The following CSMD1 variants were observed in gnomAD, a reference collection of about 807,000 sequenced individuals.
CSMD1 encodes CUB and sushi domain-containing protein 1.
Under a neutral mutation model 417.5 loss-of-function variants are expected in CSMD1, and 213 were observed. The ratio of observed to expected loss-of-function variants is 0.51; its 90% CI spans 0.46 to 0.57. The LOEUF (loss-of-function observed/expected upper bound fraction) is 0.57, where lower values mean the gene tolerates loss of function less well. CSMD1 is among the 20% of genes least tolerant of loss of function. CSMD1 has a pLI of 0.00. For missense variants in CSMD1, 6,923 were observed against 4,529.7 expected (o/e 1.53, Z -15.17); for synonymous variants, 2,862 against 1,736.8 (o/e 1.65, Z -16.11).
At chr8:3,058,773 G>C (rs1812401524) in intron 49 of CSMD1, among the ~76,000 whole-genome samples, 1 of 151,946 alleles carries the variant, frequency 6.6e-6, no homozygotes, top group Non-Finnish European at 1.5e-5. Flanking sequence ...ATGCCCTAGG[G>C]AGGCTGCTAA....
intron 3 of CSMD1, among the ~76,000 whole-genome samples, chr8:4,375,102 G>T (rs1198845446): frequency 6.6e-6 from 1 of 152,042 alleles, no homozygotes; most frequent in African/African-American, 2.4e-5. Context: ...TTCATTGGCA[G>T]ACCTGAAGAA....
rs993871238 is a variant in CSMD1 at position 3,795,026 on chromosome 8, T to C, written c.819-40984A>G. Among the ~76,000 whole-genome samples the C allele has an allele frequency of 9.2e-5, 14 of 151,524 alleles. 2 individuals are homozygous for C. The highest frequency in any genetic ancestry group is 4.2e-4 in the South Asian group (2 of 4,812). On this transcript the variant is annotated intron_variant, in intron 5 of 69. Transcript: ENST00000635120. ...GCTATAAATACATATCTATCATATA[T>C]AGCTATAGATACATATCTATCATGT... is the stretch of plus-strand genomic sequence containing the variant.
At chr8:3,992,736 G>A (rs1465972147) in intron 5 of CSMD1, among the ~76,000 whole-genome samples, 2 of 152,204 alleles carry the variant, frequency 1.3e-5, no homozygotes, top group Non-Finnish European at 2.9e-5. Context: ...AGCTATGACA[G>A]CACCACTGTA....
Position 4,031,994 on chromosome 8 carries a change from C to T in CSMD1, c.521G>A (p.Gly174Asp), listed in dbSNP as rs1797372319. 3 of 1,613,938 alleles carry T rather than the reference C, an allele frequency of 1.9e-6. No homozygotes were observed. The highest frequency in any genetic ancestry group is 2.5e-6 in the Non-Finnish European group (3 of 1,179,878). Residue 174 changes from glycine to aspartate, a missense_variant, in exon 4 of 70, where the codon GGC becomes GAC. Physicochemically the swap from Gly to Asp is moderately conservative, Grantham distance 94. Coordinates refer to ENST00000635120, the MANE Select transcript of CSMD1 (RefSeq NM_033225.6). The stretch of plus-strand genomic sequence containing the variant: ...GATGGCGTGGCCTTCCAAGATGTAG[C>T]CAGGGAGGCAGCTGTACCGGATTTT... ...GDKIRYSCLPGYILEGHAILT... is the reference protein window; with the variant it reads ...GDKIRYSCLPDYILEGHAILT...
chr8:3,285,084 C>T (rs935092481), intron 25 of CSMD1, among the ~76,000 whole-genome samples: 2 of 152,070 alleles, frequency 1.3e-5, no homozygotes, highest in Non-Finnish European at 1.5e-5. Flanking sequence ...TTAGTTGAAA[C>T]ACCAACAAAA....
chr8:4,040,899 G>A (rs999672262), intron 3 of CSMD1, among the ~76,000 whole-genome samples: 1 of 152,020 alleles, frequency 6.6e-6, no homozygotes, highest in African/African-American at 2.4e-5. Flanking sequence ...TGGCTCTTGA[G>A]AAGCATCATG....
chr8:3,105,050 C>G (rs966642648), intron 46 of CSMD1, among the ~76,000 whole-genome samples: 9 of 152,216 alleles, frequency 5.9e-5, no homozygotes, highest in African/African-American at 2.2e-4. Flanking sequence ...GTGTGAGCAT[C>G]TGCAAAACCA....
chr8:3,843,051 T>C (rs1031045125), intron 5 of CSMD1, among the ~76,000 whole-genome samples: 3 of 152,192 alleles, frequency 2.0e-5, no homozygotes, highest in African/African-American at 7.2e-5. Context: ...TTGCACATGA[T>C]AAATGTTGTA....
At chr8:4,983,114 A>G (rs1810988565) in intron 1 of CSMD1, among the ~76,000 whole-genome samples, 1 of 152,256 alleles carries the variant, frequency 6.6e-6, no homozygotes, top group African/African-American at 2.4e-5. Flanking sequence ...AAAACAGTCA[A>G]GAAACAGAAA....
chr8:4,201,335 G>C (rs7838070), intron 3 of CSMD1, among the ~76,000 whole-genome samples: 13,542 of 151,936 alleles, frequency 0.089, 891 homozygotes, highest in African/African-American at 0.18. Flanking sequence ...TCAGGAGATC[G>C]AGACCATCTT....
chr8:4,760,835 C>G (rs1010280485), intron 1 of CSMD1, among the ~76,000 whole-genome samples: 1 of 152,176 alleles, frequency 6.6e-6, no homozygotes, highest in Non-Finnish European at 1.5e-5. Flanking sequence ...AAGGAATTCC[C>G]ATAGAATAAT....
intron 10 of CSMD1, among the ~76,000 whole-genome samples, chr8:3,525,232 G>C (rs555780431): frequency 1.3e-5 from 2 of 152,242 alleles, no homozygotes; most frequent in East Asian, 1.9e-4. Context: ...CCTTAGGGGA[G>C]ATAGCATCCC....
chr8:3,224,560 A>G (rs554124208), intron 27 of CSMD1, among the ~76,000 whole-genome samples: 5 of 152,340 alleles, frequency 3.3e-5, no homozygotes, highest in African/African-American at 7.2e-5. Context: ...AAGTATACAT[A>G]TCAGTGAGGA....
intron 6 of CSMD1, among the ~76,000 whole-genome samples, chr8:3,721,975 G>C (rs543049619): frequency 2.0e-5 from 3 of 152,202 alleles, no homozygotes; most frequent in African/African-American, 7.2e-5. Flanking sequence ...ACCTCCTGCT[G>C]TCCCCAAGCC....
chr8:4,369,944 T>C (rs1802304625), intron 3 of CSMD1, among the ~76,000 whole-genome samples: 1 of 152,222 alleles, frequency 6.6e-6, no homozygotes, highest in Admixed American at 6.5e-5. Context: ...TTAACCCATT[T>C]ACATTCTGGG....
chr8:4,771,228 G>A (rs187944330), intron 1 of CSMD1, among the ~76,000 whole-genome samples: 29 of 152,322 alleles, frequency 1.9e-4, no homozygotes, highest in Admixed American at 1.4e-3. Context: ...TCAAGAGGCA[G>A]AGCTGGATGA....
intron 8 of CSMD1, among the ~76,000 whole-genome samples, chr8:3,601,511 C>G (rs191632261): frequency 4.6e-5 from 7 of 152,308 alleles, no homozygotes; most frequent in Admixed American, 3.9e-4. Flanking sequence ...TGGTTACCAA[C>G]CTCGCTTGCA....
At chr8:3,034,002 G>C (rs1810509361) in intron 50 of CSMD1, among the ~76,000 whole-genome samples, 1 of 152,174 alleles carries the variant, frequency 6.6e-6, no homozygotes, top group Non-Finnish European at 1.5e-5. Flanking sequence ...TAGTCGGGCA[G>C]GTGCCCAGAC....
intron 2 of CSMD1, among the ~76,000 whole-genome samples, chr8:4,515,990 G>A (rs1803097984): frequency 6.6e-6 from 1 of 152,134 alleles, no homozygotes; most frequent in African/African-American, 2.4e-5. Flanking sequence ...GTTACCCATT[G>A]ATAAGATAAG....
Sources: allele counts gnomAD v4.1 joint callset (sites outside exome capture counted in the v4.1 genomes callset), GRCh38; gene constraint gnomAD v4.1.1; transcripts MANE v1.5; gene names NCBI Gene and HGNC (gene_info 2026-07-23, HGNC 2026-07-21).